The following NOX4 variants were observed in gnomAD, a reference collection of about 807,000 sequenced individuals.
NOX4 encodes kidney oxidase-1.
In NOX4, 69 loss-of-function variants were observed where a neutral mutation model predicts 87.6. The observed-to-expected ratio is 0.79, with a 90% CI of 0.65 to 0.96. The LOEUF (loss-of-function observed/expected upper bound fraction) is 0.96, where lower values mean the gene tolerates loss of function less well. Among genes scored for constraint, NOX4 ranks in the 40% least tolerant of loss-of-function variants. NOX4 has a pLI of 0.00. For synonymous variants in NOX4, 275 were observed against 238.2 expected (o/e 1.15, Z -1.42); for missense variants, 680 against 681.5 (o/e 1.00, Z 0.02).
the NOX4 span, among the ~76,000 whole-genome samples, chr11:89,557,690 C>G: frequency 2.0e-5 from 3 of 151,954 alleles, no homozygotes; most frequent in Non-Finnish European, 4.4e-5. Flanking sequence ...TTTCATGCTC[C>G]CTAAACTTAG....
intron 12 of NOX4, among the ~76,000 whole-genome samples, chr11:89,364,666 C>T (rs1349670922): frequency 6.6e-6 from 1 of 151,992 alleles, no homozygotes; most frequent in Non-Finnish European, 1.5e-5. Flanking sequence ...ACATAAAAAT[C>T]CTCTACTTGA....
the NOX4 span, among the ~76,000 whole-genome samples, chr11:89,587,909 A>G: frequency 6.6e-6 from 1 of 152,174 alleles, no homozygotes; most frequent in Non-Finnish European, 1.5e-5. Flanking sequence ...ATATTTGACA[A>G]TAAAATACAA....
chr11:89,380,478 T>C (rs2135091990), intron 11 of NOX4, among the ~76,000 whole-genome samples: 1 of 152,154 alleles, frequency 6.6e-6, no homozygotes, highest in East Asian at 1.9e-4. Context: ...ACTGGATTGC[T>C]GAGAGAGGGA....
intron 11 of NOX4, among the ~76,000 whole-genome samples, chr11:89,378,827 T>A (rs889225457): frequency 4.6e-5 from 7 of 152,160 alleles, no homozygotes; most frequent in Non-Finnish European, 7.4e-5. Flanking sequence ...ATTTCACAAG[T>A]GAAGATTGCT....
chr11:89,524,235 C>T, the NOX4 span, among the ~76,000 whole-genome samples: 1 of 152,102 alleles, frequency 6.6e-6, no homozygotes, highest in African/African-American at 2.4e-5. Context: ...CTGTTTAATG[C>T]CTGCTTACTA....
the NOX4 span, among the ~76,000 whole-genome samples, chr11:89,511,083 G>C: frequency 1.3e-5 from 2 of 151,728 alleles, no homozygotes; most frequent in Non-Finnish European, 1.5e-5. Context: ...TGTTTCTTTG[G>C]AGTTCTTACG....
At chr11:89,438,674 C>T (rs1206037819) in intron 6 of NOX4, among the ~76,000 whole-genome samples, 1 of 38,482 alleles carries the variant, frequency 2.6e-5, no homozygotes, top group Non-Finnish European at 3.5e-5. Flanking sequence ...ATATTATATA[C>T]TATATATACT....
At chr11:89,341,513 A>C (rs1946001400) in intron 14 of NOX4, among the ~76,000 whole-genome samples, 1 of 152,216 alleles carries the variant, frequency 6.6e-6, no homozygotes, top group Admixed American at 6.5e-5. Flanking sequence ...GTCATCTCAG[A>C]AAAGCCTGAC....
intron 12 of NOX4, among the ~76,000 whole-genome samples, chr11:89,355,331 A>ATATT (rs200799667): frequency 0.026 from 3,826 of 148,058 alleles, 92 homozygotes; most frequent in East Asian, 0.13. Context: ...ATTCATATAT[A>ATATT]TATTTTAAAT....
the NOX4 span, among the ~76,000 whole-genome samples, chr11:89,514,765 T>C: frequency 2.6e-5 from 4 of 151,976 alleles, no homozygotes; most frequent in Non-Finnish European, 4.4e-5. Flanking sequence ...ATGCATTACA[T>C]TGATTTTTGT....
chr11:89,367,784 T>G (rs1313832249), intron 12 of NOX4, among the ~76,000 whole-genome samples: 1 of 152,046 alleles, frequency 6.6e-6, no homozygotes, highest in Non-Finnish European at 1.5e-5. Context: ...CGACCAAGTT[T>G]CATAGCAAGA....
chr11:89,519,449 G>C, the NOX4 span, among the ~76,000 whole-genome samples: 1 of 151,910 alleles, frequency 6.6e-6, no homozygotes, highest in Non-Finnish European at 1.5e-5. Context: ...TGAATAAAAA[G>C]TTTAAAAACA....
In NOX4 at chr11:89,483,311, C is replaced by T. The variant is rs1219628065; in HGVS notation, c.153+7147G>A. 3.3e-5 allele frequency among the ~76,000 whole-genome samples: 5 copies of T among 151,810 alleles called. No homozygotes were observed. The South Asian group carries it at 1.0e-3, about 31-fold the overall frequency. ...ATGATTCAACCTAATATTAATGTTG[C>T]AAAGAAACAACAGAGCACAATGGCT... On this transcript the variant is annotated intron_variant, in intron 2 of 17. Transcript: ENST00000263317.
chr11:89,334,179 G>C (rs188376030), intron 17 of NOX4, among the ~76,000 whole-genome samples: 1 of 151,568 alleles, frequency 6.6e-6, no homozygotes, highest in Admixed American at 6.6e-5. Context: ...TCAGTAAATG[G>C]CACTAAAGAG....
the NOX4 span, among the ~76,000 whole-genome samples, chr11:89,536,039 A>C: frequency 2.0e-5 from 3 of 149,620 alleles, no homozygotes; most frequent in African/African-American, 7.4e-5. Flanking sequence ...TTTCTTTCTG[A>C]TCATGTTAGT....
At chr11:89,466,026 CT>C (rs1945678344) in intron 2 of NOX4, among the ~76,000 whole-genome samples, 1 of 152,094 alleles carries the variant, frequency 6.6e-6, no homozygotes, top group Non-Finnish European at 1.5e-5. Context: ...AATACCTCCT[CT>C]CCTTCTCTCA....
At chr11:89,561,085 A>ATATATATATATC in the NOX4 span, among the ~76,000 whole-genome samples, 10 of 120,570 alleles carry the variant, frequency 8.3e-5, no homozygotes, top group African/African-American at 3.0e-4. Context: ...ATATATATAT[A>ATATATATATATC]TCCTATCAGT....
chr11:89,429,426 T>C (rs1943650644), intron 7 of NOX4, among the ~76,000 whole-genome samples: 1 of 151,536 alleles, frequency 6.6e-6, no homozygotes, highest in South Asian at 2.1e-4. Context: ...CAGAAGCTGG[T>C]TTTTTGAAAA....
the NOX4 span, among the ~76,000 whole-genome samples, chr11:89,542,570 G>T: frequency 1.2e-4 from 19 of 152,128 alleles, no homozygotes; most frequent in Non-Finnish European, 2.6e-4. Context: ...TACAAATCCT[G>T]TTCCCCAGCA....
Sources: allele counts gnomAD v4.1 joint callset (sites outside exome capture counted in the v4.1 genomes callset), GRCh38; gene constraint gnomAD v4.1.1; transcripts MANE v1.5; gene names NCBI Gene and HGNC (gene_info 2026-07-23, HGNC 2026-07-21).